Variants in CDH18 observed in about 807,000 individuals in gnomAD.
CDH18 encodes cadherin 18, also known as cadherin-18.
In CDH18, 31 loss-of-function variants were observed where a neutral mutation model predicts 67.9. The ratio of observed to expected loss-of-function variants is 0.46; its 90% CI spans 0.34 to 0.62. The LOEUF (loss-of-function observed/expected upper bound fraction) is 0.62. CDH18 is among the 20% of genes least tolerant of loss of function. The pLI is 0.01. For missense variants in CDH18, 890 were observed against 975.5 expected (o/e 0.91, Z 1.17); for synonymous variants, 362 against 347.2 (o/e 1.04, Z -0.48).
At chr5:20,243,744 G>GA (rs1207896928) in intron 2 of CDH18, among the ~76,000 whole-genome samples, 1 of 151,878 alleles carries the variant, frequency 6.6e-6, no homozygotes, top group Non-Finnish European at 1.5e-5. Flanking sequence ...ACTCATAAAT[G>GA]AAAAAAATAC....
intron 3 of CDH18, among the ~76,000 whole-genome samples, chr5:19,764,974 C>A (rs1247477682): frequency 6.6e-6 from 1 of 152,010 alleles, no homozygotes; most frequent in Non-Finnish European, 1.5e-5. Context: ...TAGGTATTTC[C>A]AGTTAATATT....
At chr5:19,555,907 T>C (rs141338053) in intron 8 of CDH18, among the ~76,000 whole-genome samples, 244 of 152,262 alleles carry the variant, frequency 1.6e-3, no homozygotes, top group African/African-American at 5.4e-3. Context: ...TAGGTGCTGG[T>C]ATCCACAGCT....
chr5:19,871,203 A>C (rs1028125817), intron 2 of CDH18, among the ~76,000 whole-genome samples: 9 of 152,150 alleles, frequency 5.9e-5, no homozygotes, highest in Admixed American at 5.2e-4. Flanking sequence ...AAAATTCACT[A>C]ATAGAATGAC....
At chr5:20,300,049 A>T (rs185537366) in intron 1 of CDH18, among the ~76,000 whole-genome samples, 95 of 152,276 alleles carry the variant, frequency 6.2e-4, no homozygotes, top group Non-Finnish European at 1.2e-3. Flanking sequence ...ATGGTGAAGA[A>T]ATATTTTTTT....
chr5:20,127,836 G>A (rs1226196987), intron 2 of CDH18, among the ~76,000 whole-genome samples: 1 of 152,104 alleles, frequency 6.6e-6, no homozygotes, highest in Admixed American at 6.6e-5. Context: ...TAAATATCAT[G>A]TCATGTGTTT....
At chr5:19,758,485 G>C (rs1771918850) in intron 3 of CDH18, among the ~76,000 whole-genome samples, 1 of 152,206 alleles carries the variant, frequency 6.6e-6, no homozygotes, top group Non-Finnish European at 1.5e-5. Context: ...ACTGGGTCAT[G>C]TGGCTTAAGT....
chr5:20,382,842 T>A (rs1345250253), intron 1 of CDH18, among the ~76,000 whole-genome samples: 2 of 152,162 alleles, frequency 1.3e-5, no homozygotes, highest in Non-Finnish European at 2.9e-5. Flanking sequence ...GTGGACTGTT[T>A]TTTTCTCCAC....
intron 2 of CDH18, among the ~76,000 whole-genome samples, chr5:20,231,579 A>C (rs1742081482): frequency 6.6e-6 from 1 of 152,016 alleles, no homozygotes; most frequent in Non-Finnish European, 1.5e-5. Flanking sequence ...CAGCCTGGGC[A>C]ACAAGAGTGA....
In CDH18 at chr5:20,246,761, C is replaced by T. The variant is rs1029435800; in HGVS notation, c.-518+8683G>A. On this transcript the variant is annotated intron_variant, in intron 2 of 14. Coordinates refer to the CDH18 transcript ENST00000507958. ...CAATTAATCAAGTTAGTTTCCTCAT[C>T]CATAAAACAAACATGATACCTGTTT... Among the ~76,000 whole-genome samples, 3 of 152,052 alleles carry T rather than the reference C, an allele frequency of 2.0e-5. No individual in the cohort carries two copies. The South Asian group carries it at 6.2e-4, about 32-fold the overall frequency.
chr5:19,662,519 A>G (rs888785910), intron 5 of CDH18, among the ~76,000 whole-genome samples: 1 of 152,064 alleles, frequency 6.6e-6, no homozygotes, highest in African/African-American at 2.4e-5. Flanking sequence ...TGTACAGTTT[A>G]TATTATCTCT....
At chr5:19,591,909 G>GTT (rs1745202752) in intron 6 of CDH18, among the ~76,000 whole-genome samples, 2 of 151,938 alleles carry the variant, frequency 1.3e-5, no homozygotes, top group Non-Finnish European at 2.9e-5. Context: ...AAAGTAAATA[G>GTT]CTATAGAAAA....
intron 2 of CDH18, among the ~76,000 whole-genome samples, chr5:20,125,265 T>C (rs1215566083): frequency 6.6e-6 from 1 of 150,378 alleles, no homozygotes; most frequent in African/African-American, 2.4e-5. Context: ...GAGTGAAGTA[T>C]TGGCTCAATA....
intron 2 of CDH18, among the ~76,000 whole-genome samples, chr5:20,053,642 T>A (rs1484191673): frequency 6.6e-6 from 1 of 152,136 alleles, no homozygotes; most frequent in Non-Finnish European, 1.5e-5. Context: ...TGACCACTTG[T>A]AAATCCAAAG....
chr5:20,042,408 T>A (rs1256842700), intron 2 of CDH18, among the ~76,000 whole-genome samples: 1 of 152,152 alleles, frequency 6.6e-6, no homozygotes, highest in African/African-American at 2.4e-5. Flanking sequence ...TCCCTAAGAT[T>A]TAGCTATCTC....
intron 2 of CDH18, among the ~76,000 whole-genome samples, chr5:19,949,604 C>A (rs78798228): frequency 0.023 from 3,481 of 152,174 alleles, 107 homozygotes; most frequent in African/African-American, 0.076. Context: ...GTACATCTTT[C>A]TTTTCGTAAT....
At chr5:19,912,453 T>TG (rs1319167453) in intron 2 of CDH18, among the ~76,000 whole-genome samples, 1 of 151,932 alleles carries the variant, frequency 6.6e-6, no homozygotes, top group African/African-American at 2.4e-5. Context: ...CAAACTGGAG[T>TG]GGGGAATCTT....
intron 2 of CDH18, among the ~76,000 whole-genome samples, chr5:19,930,700 A>C (rs1793594773): frequency 6.6e-6 from 1 of 152,042 alleles, no homozygotes; most frequent in South Asian, 2.1e-4. Context: ...GCTGTCAAGG[A>C]AACAGCTGGC....
At chr5:19,662,979 G>C (rs1209827923) in intron 5 of CDH18, among the ~76,000 whole-genome samples, 1 of 151,924 alleles carries the variant, frequency 6.6e-6, no homozygotes, top group East Asian at 1.9e-4. Flanking sequence ...AAATATGCCC[G>C]CTTAAAGTTC....
chr5:20,421,653 T>A lies in CDH18; in HGVS notation c.-580+153809A>T, dbSNP rs185428785. ...TCACTAAAACTTAAAAACTGCAGAGTCATGGGTTAGCATGAAGGATTTCAC... is the reference window on the plus strand; with the variant it reads ...TCACTAAAACTTAAAAACTGCAGAGACATGGGTTAGCATGAAGGATTTCAC... On this transcript the variant is annotated intron_variant, in intron 1 of 14. Coordinates refer to the CDH18 transcript ENST00000507958. Among the ~76,000 whole-genome samples the A allele has an allele frequency of 4.8e-4, 73 of 151,062 alleles. No individual in the cohort carries two copies. The East Asian group carries it at 7.0e-3, about 14-fold the overall frequency.
Sources: gnomAD v4.1 joint callset for allele counts (sites outside exome capture counted in the v4.1 genomes callset) on GRCh38, gnomAD v4.1.1 for gene constraint, MANE v1.5 for transcripts, NCBI Gene and HGNC (gene_info 2026-07-23, HGNC 2026-07-21) for gene names.